Variants in ACOT13 observed in about 807,000 individuals in gnomAD.
The protein encoded by ACOT13 is acyl-coenzyme A thioesterase 13.
Under a neutral mutation model 11.8 loss-of-function variants are expected in ACOT13, and 10 were observed. The ratio of observed to expected loss-of-function variants is 0.85; its 90% confidence interval spans 0.53 to 1.44. The LOEUF is 1.44. ACOT13 is among the 40% of genes most tolerant of loss of function. ACOT13 has a pLI of 0.00. For synonymous variants in ACOT13, 53 were observed against 61.0 expected, an observed-to-expected ratio of 0.87 and a Z score of 0.61; for missense variants, 172 against 174.1, an observed-to-expected ratio of 0.99 and a Z score of 0.07.
At chr6:24,686,825 C>T (rs1174306643) in intron 1 of ACOT13, among the ~76,000 whole-genome samples, 1 of 152,102 alleles carries the variant, frequency 6.6e-6, no homozygotes, top group African/African-American at 2.4e-5. Context: ...TCTCAGCCTC[C>T]CATGTAGCTG....
chr6:24,701,029 A>T (rs1778884369), intron 2 of ACOT13: 1 of 152,616 alleles, frequency 6.6e-6, no homozygotes, highest in Admixed American at 6.5e-5. Context: ...TTGTAAGGAC[A>T]TCATATCAAT....
At chr6:24,689,787 G>A (rs188158625) in intron 1 of ACOT13, among the ~76,000 whole-genome samples, 63 of 152,250 alleles carry the variant, frequency 4.1e-4, no homozygotes, top group African/African-American at 1.4e-3. Context: ...AGATAGGATT[G>A]AAGGAATCAG....
At chr6:24,668,507 C>T (rs1227488470) in intron 1 of ACOT13, among the ~76,000 whole-genome samples, 1 of 152,224 alleles carries the variant, frequency 6.6e-6, no homozygotes, top group Non-Finnish European at 1.5e-5. Context: ...AGGCATGAGC[C>T]ACCATGCCCC....
At chr6:24,686,053 A>G (rs1778625372) in intron 1 of ACOT13, among the ~76,000 whole-genome samples, 1 of 152,054 alleles carries the variant, frequency 6.6e-6, no homozygotes. Context: ...GGAAAAAAAA[A>G]AAGGTTAACC....
Position 24,702,461 on chromosome 6 carries a change from C to A in ACOT13, c.*846C>A, listed in dbSNP as rs1046390311. 6.6e-6 allele frequency: 1 copy of A among 152,124 alleles called. No individual in the cohort carries two copies. Among genetic ancestry groups the A allele is most frequent in the South Asian group, 2.1e-4 (1 of 4,824 alleles). 9.4% of individuals were successfully genotyped at this position (152,124 alleles called of 1,614,324 possible). Reference sequence around the variant, plus strand: ...ACTCCAATCTTGAGGGTTCTGCCCTCGTGATCTAATAACTTCCCAAAGACC... The same window carrying A: ...ACTCCAATCTTGAGGGTTCTGCCCTAGTGATCTAATAACTTCCCAAAGACC... On this transcript the variant is annotated 3_prime_UTR_variant, in exon 3 of 3. Coordinates refer to ENST00000230048, the MANE Select transcript of ACOT13 (RefSeq NM_018473.4).
At chr6:24,699,448 G>T (rs974551720) in intron 2 of ACOT13, among the ~76,000 whole-genome samples, 1 of 152,190 alleles carries the variant, frequency 6.6e-6, no homozygotes, top group African/African-American at 2.4e-5. Flanking sequence ...CTCACCTTGT[G>T]ATCTGCCCGC....
intron 1 of ACOT13, among the ~76,000 whole-genome samples, chr6:24,674,209 A>G (rs765020274): frequency 5.3e-5 from 8 of 152,004 alleles, no homozygotes; most frequent in Non-Finnish European, 1.0e-4. Context: ...TTACACGTGC[A>G]CCACAATGCC....
chr6:24,677,959 G>C (rs1392576399), intron 1 of ACOT13, among the ~76,000 whole-genome samples: 1 of 152,166 alleles, frequency 6.6e-6, no homozygotes, highest in African/African-American at 2.4e-5. Context: ...TGGAAACCTT[G>C]TAGCCACAGG....
chr6:24,689,009 G>A (rs1431666634), intron 1 of ACOT13, among the ~76,000 whole-genome samples: 1 of 152,164 alleles, frequency 6.6e-6, no homozygotes, highest in Non-Finnish European at 1.5e-5. Flanking sequence ...TCTGGCTAAT[G>A]CAAATTAAAA....
At position 24,701,619 on chromosome 6, in the gene ACOT13, A is replaced by T; in HGVS notation, c.*4A>T. On this transcript the variant is annotated 3_prime_UTR_variant, in exon 3 of 3. Transcript: ENST00000230048. ...CACAAAACACCTGGGAAACTGAGAG[A>T]ACAGCAGAATGACCTAAAGAAACCC... 6.2e-7 allele frequency: 1 copy of T among 1,607,606 alleles called. No homozygotes were observed. The highest frequency in any genetic ancestry group is 8.5e-7 in the Non-Finnish European group (1 of 1,176,404).
intron 1 of ACOT13, among the ~76,000 whole-genome samples, chr6:24,689,843 G>A (rs1381917946): frequency 6.6e-6 from 1 of 152,142 alleles, no homozygotes; most frequent in Non-Finnish European, 1.5e-5. Flanking sequence ...TCATATTTTA[G>A]AGGAAAGGAA....
chr6:24,700,425 C>CTTTTTTT (rs34173572), intron 2 of ACOT13, among the ~76,000 whole-genome samples: 3 of 105,140 alleles, frequency 2.9e-5, no homozygotes, highest in African/African-American at 8.0e-5. Context: ...TAAGATCCAC[C>CTTTTTTT]TTTTTTTTTT....
At chr6:24,700,425 C>CT (rs34173572) in intron 2 of ACOT13, among the ~76,000 whole-genome samples, 1,870 of 105,110 alleles carry the variant, frequency 0.018, 232 homozygotes, top group African/African-American at 0.049. Context: ...TAAGATCCAC[C>CT]TTTTTTTTTT....
intron 1 of ACOT13, among the ~76,000 whole-genome samples, chr6:24,686,785 C>T (rs1294983960): frequency 6.6e-6 from 1 of 152,046 alleles, no homozygotes; most frequent in African/African-American, 2.4e-5. Flanking sequence ...ACTGCAGCCT[C>T]AACCTCCTGG....
At chr6:24,685,112 A>G (rs1428440326) in intron 1 of ACOT13, among the ~76,000 whole-genome samples, 1 of 152,146 alleles carries the variant, frequency 6.6e-6, no homozygotes, top group Non-Finnish European at 1.5e-5. Flanking sequence ...CTGAGTTCAG[A>G]CTAGCCACAT....
At chr6:24,682,691 C>T (rs930603157) in intron 1 of ACOT13, among the ~76,000 whole-genome samples, 6 of 149,868 alleles carry the variant, frequency 4.0e-5, no homozygotes, top group African/African-American at 1.5e-4. Flanking sequence ...TCTGCGGTGG[C>T]GGGTCTGCGA....
At chr6:24,687,627 T>G in intron 1 of ACOT13, 1 of 1,507,512 alleles carries the variant, frequency 6.6e-7, no homozygotes, top group Non-Finnish European at 8.8e-7. Flanking sequence ...GATTTAGGAC[T>G]GAACCTTAAA....
chr6:24,677,646 T>C (rs1189691039), intron 1 of ACOT13, among the ~76,000 whole-genome samples: 1 of 152,210 alleles, frequency 6.6e-6, no homozygotes, highest in Non-Finnish European at 1.5e-5. Flanking sequence ...CACTGGGGCT[T>C]GGGTTAGGGC....
chr6:24,672,763 C>A (rs1311684253), intron 1 of ACOT13, among the ~76,000 whole-genome samples: 1 of 152,204 alleles, frequency 6.6e-6, no homozygotes. Context: ...GCTGATCTTG[C>A]ATCATTGTGC....
Sources: allele counts gnomAD v4.1 joint callset (sites outside exome capture counted in the v4.1 genomes callset), GRCh38; gene constraint gnomAD v4.1.1; transcripts MANE v1.5; gene names NCBI Gene and HGNC (gene_info 2026-07-23, HGNC 2026-07-21).